THSD4: variants seen among roughly 807,000 people sequenced by gnomAD.
The protein encoded by THSD4 is thrombospondin type-1 domain-containing protein 4.
In THSD4, 69 loss-of-function variants were observed where a neutral mutation model predicts 119.0. The ratio of observed to expected loss-of-function variants is 0.58; its 90% confidence interval spans 0.48 to 0.71. The LOEUF (loss-of-function observed/expected upper bound fraction) is 0.71, where lower values mean the gene tolerates loss of function less well. Among genes scored for constraint, THSD4 ranks in the 30% least tolerant of loss-of-function variants. The probability of loss-of-function intolerance (pLI) is 0.00; values close to 1 mark genes in which losing one functional copy is unlikely to be tolerated. For missense variants in THSD4, 1,393 were observed against 1,391.1 expected (o/e 1.00, Z -0.02); for synonymous variants, 524 against 540.4 (o/e 0.97, Z 0.42).
intron 5 of THSD4, among the ~76,000 whole-genome samples, chr15:71,250,578 A>G (rs2044249313): frequency 6.6e-6 from 1 of 152,180 alleles, no homozygotes; most frequent in Non-Finnish European, 1.5e-5. Flanking sequence ...TTAGCCTCCC[A>G]AAGTGCTGGG....
At chr15:71,527,815 T>C (rs1454984938) in intron 7 of THSD4, among the ~76,000 whole-genome samples, 1 of 145,518 alleles carries the variant, frequency 6.9e-6, no homozygotes, top group African/African-American at 2.5e-5. Flanking sequence ...CAGGTTCAAG[T>C]GATCCTCCCA....
intron 6 of THSD4, among the ~76,000 whole-genome samples, chr15:71,371,687 C>A (rs1449900997): frequency 1.3e-5 from 2 of 152,184 alleles, no homozygotes; most frequent in Admixed American, 6.5e-5. Context: ...GGTAAACCGA[C>A]CTTTCTCTCT....
chr15:71,650,442 C>T (rs2051060958), intron 7 of THSD4, among the ~76,000 whole-genome samples: 1 of 152,182 alleles, frequency 6.6e-6, no homozygotes, highest in African/African-American at 2.4e-5. Flanking sequence ...GATGCCTGCA[C>T]TGCTGGTCCA....
intron 7 of THSD4, among the ~76,000 whole-genome samples, chr15:71,631,121 A>C (rs1299594325): frequency 6.6e-6 from 1 of 152,182 alleles, no homozygotes; most frequent in Non-Finnish European, 1.5e-5. Context: ...CCTAGGTAAG[A>C]GGCACAGTCT....
rs373744002 is a variant in THSD4, at chr15:71,289,222, CCCAGGACCCCATGGATGCTCAG to C, written c.1015+32511_1015+32532del. On this transcript the variant is annotated intron_variant, in intron 6 of 17. Transcript: ENST00000261862. ...CCTGTTGACTCTGAGGGGCAAGACT[CCCAGGACCCCATGGATGCTCAG>C]CCATGTGCAACCAGGAGGGTAGGGA... Among the ~76,000 whole-genome samples the C allele has an allele frequency of 4.6e-5, 7 of 152,256 alleles. No homozygotes were observed. The East Asian group carries it at 1.3e-3, about 29-fold the overall frequency.
intron 7 of THSD4, among the ~76,000 whole-genome samples, chr15:71,526,019 TTACATCTG>T (rs2048513475): frequency 2.0e-5 from 3 of 152,192 alleles, no homozygotes; most frequent in Admixed American, 2.0e-4. Context: ...CCCTATTCGG[TTACATCTG>T]CTCCTGGATA....
chr15:71,765,131 C>A lies in THSD4; in HGVS notation c.2701C>A (p.Pro901Thr). 1 of 1,614,144 alleles carries A rather than the reference C, an allele frequency of 6.2e-7. No homozygotes were observed. Among genetic ancestry groups the A allele is most frequent in the Non-Finnish European group, 8.5e-7 (1 of 1,180,008 alleles). ...DPSECSFLEK[P>T]PSQQSCHLKP... The stretch of plus-strand genomic sequence containing the variant: ...CTCTGAATGTTCTTTCCTGGAGAAA[C>A]CCCCCAGCCAGCAATCCTGCCACCT... The change falls in exon 16 of 18, where the codon CCC becomes ACC. Residue 901 changes from proline to threonine, a missense_variant. Physicochemically the swap from Pro to Thr is conservative, Grantham distance 38. Coordinates refer to ENST00000261862, the MANE Select transcript of THSD4 (RefSeq NM_024817.3).
chr15:71,315,583 C>T (rs537766025), intron 6 of THSD4, among the ~76,000 whole-genome samples: 16 of 152,318 alleles, frequency 1.1e-4, no homozygotes, highest in African/African-American at 3.4e-4. Flanking sequence ...CTCCAGGCTC[C>T]GCCTCCTTGA....
At position 71,754,087 on chromosome 15, in the gene THSD4, T is replaced by C. The variant is rs1358119239; in HGVS notation, c.2416-3815T>C. On this transcript the variant is annotated intron_variant, in intron 14 of 17. Transcript: ENST00000261862. ...TCTGTTTACCTTTTATTCTTTTTTTTTTTTTTTTTTTTGAGATGGAGTCTC... is the reference window on the plus strand; with the variant it reads ...TCTGTTTACCTTTTATTCTTTTTTTCTTTTTTTTTTTTGAGATGGAGTCTC... Among the ~76,000 whole-genome samples, 665 of 147,604 alleles carry C rather than the reference T, an allele frequency of 4.5e-3. 6 individuals are homozygous for C. The highest frequency in any genetic ancestry group is 0.016 in the African/African-American group (628 of 40,134).
At chr15:71,716,223 CA>C (rs1233731141) in intron 8 of THSD4, among the ~76,000 whole-genome samples, 2 of 152,100 alleles carry the variant, frequency 1.3e-5, no homozygotes, top group Non-Finnish European at 2.9e-5. Flanking sequence ...TCTGCCTGTC[CA>C]AATTGCCTTC....
In THSD4 at chr15:71,532,564, C is replaced by G. The variant is rs774051430; in HGVS notation, c.1152+120741C>G. ...TCTCTTGACCTCGCAATCTGCCCGC[C>G]TTGGCCTCTCAAACTGCTGGGATTA... On this transcript the variant is annotated intron_variant, in intron 7 of 17. Coordinates refer to ENST00000261862, the MANE Select transcript of THSD4 (RefSeq NM_024817.3). Among the ~76,000 whole-genome samples the G allele has an allele frequency of 5.5e-4, 83 of 152,006 alleles. 2 individuals are homozygous for G. The highest frequency in any genetic ancestry group is 1.1e-3 in the Non-Finnish European group (75 of 68,012).
rs1467949632 is a variant in THSD4, at chr15:71,411,729, G to A, written c.1058G>A (p.Gly353Asp). 1 of 1,614,080 alleles carries A rather than the reference G, an allele frequency of 6.2e-7. No homozygotes were observed. Among genetic ancestry groups the A allele is most frequent in the East Asian group, 2.2e-5 (1 of 44,870 alleles). The change falls in exon 7 of 18, where the codon GGC becomes GAC. Residue 353 changes from glycine to aspartate, a missense_variant. Transcript: ENST00000261862. Reference protein sequence around the residue: ...RKCELNCQAMGYRFYVRQAEK... With the variant: ...RKCELNCQAMDYRFYVRQAEK... ...TGTGAGTTGAACTGCCAGGCAATGG[G>A]CTACCGCTTCTATGTACGGCAAGCT...
chr15:71,760,894 C>T (rs1038629394), intron 15 of THSD4, among the ~76,000 whole-genome samples: 1 of 152,082 alleles, frequency 6.6e-6, no homozygotes, highest in South Asian at 2.1e-4. Context: ...TGAATTACTC[C>T]ATCTTGTTTC....
chr15:71,516,962 C>T (rs1035520356), intron 7 of THSD4, among the ~76,000 whole-genome samples: 4 of 152,134 alleles, frequency 2.6e-5, no homozygotes, highest in Non-Finnish European at 4.4e-5. Flanking sequence ...TGTAGCTTAA[C>T]GGCTGCCATA....
chr15:71,641,441 C>G (rs565485093), intron 7 of THSD4, among the ~76,000 whole-genome samples: 2 of 152,046 alleles, frequency 1.3e-5, no homozygotes, highest in East Asian at 3.9e-4. Context: ...ATCACTGAGT[C>G]TCATTGAACA....
At chr15:71,109,896 G>A (rs766739946) in intron 1 of THSD4, among the ~76,000 whole-genome samples, 4 of 152,170 alleles carry the variant, frequency 2.6e-5, no homozygotes, top group Non-Finnish European at 4.4e-5. Flanking sequence ...TGACTTTGTC[G>A]TTTGTAGTGC....
intron 6 of THSD4, among the ~76,000 whole-genome samples, chr15:71,265,560 T>G (rs1363413846): frequency 6.7e-6 from 1 of 150,122 alleles, no homozygotes; most frequent in Non-Finnish European, 1.5e-5. Context: ...GCTGCAGGAG[T>G]TTTTTTTTCG....
intron 6 of THSD4, among the ~76,000 whole-genome samples, chr15:71,291,415 C>T (rs1470190556): frequency 2.6e-5 from 4 of 152,116 alleles, no homozygotes; most frequent in Non-Finnish European, 5.9e-5. Flanking sequence ...CCAGGAGAGT[C>T]GATGTTGTGT....
At chr15:71,400,090 C>T (rs547018077) in intron 6 of THSD4, among the ~76,000 whole-genome samples, 1 of 152,150 alleles carries the variant, frequency 6.6e-6, no homozygotes, top group East Asian at 1.9e-4. Flanking sequence ...CCTATTAAAA[C>T]AGTCAGTAAA....
Sources: gnomAD v4.1 joint callset for allele counts (sites outside exome capture counted in the v4.1 genomes callset) on GRCh38, gnomAD v4.1.1 for gene constraint, MANE v1.5 for transcripts, NCBI Gene and HGNC (gene_info 2026-07-23, HGNC 2026-07-21) for gene names.